Variants in PPIL4 observed in about 807,000 individuals in gnomAD.
PPIL4 encodes the protein peptidyl-prolyl cis-trans isomerase-like 4.
PPIL4 carries 50 observed loss-of-function variants against 69.1 expected under a neutral mutation model. The ratio of observed to expected loss-of-function variants is 0.72; its 90% CI spans 0.58 to 0.92. The LOEUF is 0.92. PPIL4 is among the 40% of genes least tolerant of loss of function. PPIL4 has a pLI of 0.00. For missense variants in PPIL4, 480 were observed against 587.9 expected, an observed-to-expected ratio of 0.82 and a Z score of 1.90; for synonymous variants, 193 against 191.6, an observed-to-expected ratio of 1.01 and a Z score of -0.06.
chr6:149,523,101 C>T (rs1777057115), intron 9 of PPIL4, among the ~76,000 whole-genome samples: 1 of 151,660 alleles, frequency 6.6e-6, no homozygotes. Flanking sequence ...TTAAATAGGC[C>T]ACTAAAAAGG....
rs1350338044 is a variant in PPIL4, at chr6:149,512,228, T to C, written c.1154A>G (p.His385Arg). The C allele has an allele frequency of 6.2e-7, 1 of 1,613,568 alleles. No individual in the cohort carries two copies. Among genetic ancestry groups the C allele is most frequent in the Non-Finnish European group, 8.5e-7 (1 of 1,179,594 alleles). The change falls in exon 12 of 13, where the codon CAC (histidine) becomes CGC (arginine). Residue 385 changes from histidine (H) to arginine (R), a missense_variant. His to Arg is a conservative substitution (Grantham distance 29). Transcript: ENST00000253329. ...AGAACAGTGATGGGTTTTCTTCTTGTGTTTTTTACTTGTGTGTGAGTGACT... is the reference window on the plus strand; with the variant it reads ...AGAACAGTGATGGGTTTTCTTCTTGCGTTTTTTACTTGTGTGTGAGTGACT... Reference protein sequence around the residue: ...KSSHSHTSKKHKKKTHHCSEE... With the variant: ...KSSHSHTSKKRKKKTHHCSEE...
chr6:149,505,436 TTCTGCC>T lies in PPIL4; in HGVS notation c.*11_*16del. The T allele has an allele frequency of 6.2e-7, 1 of 1,605,016 alleles. No individual in the cohort carries two copies. Among genetic ancestry groups the T allele is most frequent in the Non-Finnish European group, 8.5e-7 (1 of 1,176,950 alleles). On this transcript the variant is annotated 3_prime_UTR_variant, in exon 13 of 13. Transcript: ENST00000253329. ...AAGAGTAAATATGTTAGCCTCTCAATTCTGCCTCTTCATCTTTCATCTATACTTAGA... is the reference window on the plus strand; with the variant it reads ...AAGAGTAAATATGTTAGCCTCTCAATTCTTCATCTTTCATCTATACTTAGA...
At chr6:149,508,260 T>C (rs1302027059) in intron 12 of PPIL4, among the ~76,000 whole-genome samples, 1 of 152,136 alleles carries the variant, frequency 6.6e-6, no homozygotes, top group Non-Finnish European at 1.5e-5. Context: ...AAATTCTAGC[T>C]CTCCCACTAT....
intron 11 of PPIL4, among the ~76,000 whole-genome samples, chr6:149,514,017 T>C (rs1346092867): frequency 6.6e-6 from 1 of 152,164 alleles, no homozygotes; most frequent in Non-Finnish European, 1.5e-5. Context: ...GCAGACACAC[T>C]TCCCTCAGGA....
chr6:149,511,397 TTGTG>T (rs375170478), intron 12 of PPIL4, among the ~76,000 whole-genome samples: 28 of 147,690 alleles, frequency 1.9e-4, no homozygotes, highest in East Asian at 7.9e-4. Flanking sequence ...GCCTGGCCAA[TTGTG>T]TGTGTGTGTG....
chr6:149,537,680 T>G (rs1583212303), intron 4 of PPIL4, among the ~76,000 whole-genome samples: 1 of 150,886 alleles, frequency 6.6e-6, no homozygotes. Context: ...CACTCCAGCC[T>G]GGGCGACAGA....
At chr6:149,520,318 T>G (rs989405415) in intron 10 of PPIL4, among the ~76,000 whole-genome samples, 1 of 152,024 alleles carries the variant, frequency 6.6e-6, no homozygotes, top group Admixed American at 6.6e-5. Flanking sequence ...ATTAGATAGA[T>G]GAGGAGCAGG....
chr6:149,510,922 G>A (rs899099940), intron 12 of PPIL4, among the ~76,000 whole-genome samples: 18 of 151,084 alleles, frequency 1.2e-4, no homozygotes, highest in Admixed American at 1.1e-3. Context: ...TTTTTTCACT[G>A]AATCTTAACA....
intron 12 of PPIL4, among the ~76,000 whole-genome samples, chr6:149,511,102 T>G (rs1413306648): frequency 6.6e-6 from 1 of 152,140 alleles, no homozygotes; most frequent in Non-Finnish European, 1.5e-5. Flanking sequence ...TCTGCATCTT[T>G]GGTTAACATT....
At chr6:149,520,581 G>GCC (rs572480005) in intron 10 of PPIL4, among the ~76,000 whole-genome samples, 13 of 149,638 alleles carry the variant, frequency 8.7e-5, no homozygotes, top group African/African-American at 3.2e-4. Flanking sequence ...GCATGTGTGT[G>GCC]CACACACACA....
intron 12 of PPIL4, among the ~76,000 whole-genome samples, chr6:149,511,666 TA>T (rs1327597836): frequency 2.0e-5 from 3 of 152,212 alleles, no homozygotes; most frequent in South Asian, 2.1e-4. Flanking sequence ...GAATTTTTAT[TA>T]TTTTTTTTAA....
At chr6:149,530,504 C>CA (rs1470972757) in intron 7 of PPIL4, among the ~76,000 whole-genome samples, 1 of 151,938 alleles carries the variant, frequency 6.6e-6, no homozygotes, top group African/African-American at 2.4e-5. Flanking sequence ...ACTAAAAATA[C>CA]AAAAATTAGC....
chr6:149,546,023 C>A lies in PPIL4; in HGVS notation c.-18G>T, dbSNP rs770584448. 2 of 1,563,912 alleles carry A rather than the reference C, an allele frequency of 1.3e-6. No homozygotes were observed. The highest frequency in any genetic ancestry group is 2.3e-5 in the South Asian group (2 of 85,872). On this transcript the variant is annotated 5_prime_UTR_variant, in exon 1 of 13. Transcript: ENST00000253329. Reference sequence around the variant, plus strand: ...ACCGCCATGGCGCCCGCTCCTCCTCCGCTACAAACCCCGGGAGGAGGGGGG... The same window carrying A: ...ACCGCCATGGCGCCCGCTCCTCCTCAGCTACAAACCCCGGGAGGAGGGGGG...
intron 8 of PPIL4, 41 bp from the exon 9 acceptor site, chr6:149,525,250 A>AAAAG: frequency 9.5e-7 from 1 of 1,052,998 alleles, no homozygotes; most frequent in Admixed American, 2.2e-5. Flanking sequence ...AAAAAAAAAA[A>AAAAG]GGAAGAAAGC....
chr6:149,517,287 T>A (rs1776961080), intron 11 of PPIL4, 67 bp downstream of exon 11: 1 of 866,006 alleles, frequency 1.2e-6, no homozygotes, highest in Admixed American at 2.3e-5. Flanking sequence ...TCATAACACA[T>A]CACACAGTAC....
chr6:149,515,696 G>C (rs1776933896), intron 11 of PPIL4, among the ~76,000 whole-genome samples: 1 of 152,044 alleles, frequency 6.6e-6, no homozygotes, highest in African/African-American at 2.4e-5. Context: ...CAAGACACTT[G>C]TTGTATCTCC....
At chr6:149,513,414 TATA>T (rs1426824963) in intron 11 of PPIL4, among the ~76,000 whole-genome samples, 1 of 43,968 alleles carries the variant, frequency 2.3e-5, no homozygotes, top group Non-Finnish European at 4.4e-5. Flanking sequence ...AAAAAAAAAA[TATA>T]TATATATATA....
chr6:149,527,958 CAA>C (rs1777136679), intron 7 of PPIL4, among the ~76,000 whole-genome samples: 1 of 152,064 alleles, frequency 6.6e-6, no homozygotes, highest in Admixed American at 6.6e-5. Flanking sequence ...ACATTATGTC[CAA>C]TAAGAAGTAT....
At position 149,533,470 on chromosome 6, in the gene PPIL4, T is replaced by C. The variant is rs755434645; in HGVS notation, c.666A>G (p.Ile222Met). The C allele has an allele frequency of 1.3e-6, 2 of 1,563,306 alleles. No homozygotes were observed. The highest frequency in any genetic ancestry group is 1.8e-6 in the Non-Finnish European group (2 of 1,134,198). Reference sequence around the variant, plus strand: ...ATAATTATCTTACCATCTCCAAAAGTATAGCCTGAGTTTTAGCCTCTTTTT... The same window carrying C: ...ATAATTATCTTACCATCTCCAAAAGCATAGCCTGAGTTTTAGCCTCTTTTT... ...KAEKEAKTQA[I>M]LLEMVGDLPD... is the part of the protein sequence containing the mutation. Residue 222 changes from isoleucine (I) to methionine (M), a missense_variant, in exon 7 of 13, where the codon ATA becomes ATG. Coordinates refer to ENST00000253329, the MANE Select transcript of PPIL4 (RefSeq NM_139126.4).
Sources: allele counts gnomAD v4.1 joint callset (sites outside exome capture counted in the v4.1 genomes callset), GRCh38; gene constraint gnomAD v4.1.1; transcripts MANE v1.5; gene names NCBI Gene and HGNC (gene_info 2026-07-23, HGNC 2026-07-21).